PIK3C3: variants seen among roughly 807,000 people sequenced by gnomAD.
PIK3C3 encodes PI3-kinase type 3.
A neutral mutation model predicts 126.1 loss-of-function variants in PIK3C3; 95 were observed. The ratio of observed to expected loss-of-function variants is 0.75; its 90% CI spans 0.64 to 0.89. PIK3C3 has a LOEUF of 0.89. Among genes scored for constraint, PIK3C3 ranks in the 40% least tolerant of loss-of-function variants. PIK3C3 has a pLI of 0.00. For synonymous variants in PIK3C3, 374 were observed against 360.0 expected (o/e 1.04, Z -0.44); for missense variants, 829 against 1,063.2 (o/e 0.78, Z 3.06).
chr18:41,998,676 A>G (rs1982141449), intron 9 of PIK3C3, among the ~76,000 whole-genome samples: 1 of 152,180 alleles, frequency 6.6e-6, no homozygotes, highest in African/African-American at 2.4e-5. Context: ...TTCAATTCTC[A>G]GGATATGTTA....
At position 42,081,990 on chromosome 18, in the gene PIK3C3, A is replaced by G. The variant is rs1173146953; in HGVS notation, c.*853A>G. ...GTTATAAAGGAGTTGAGGAACAAAAAGCTCTTTGAAATAGCTCACCTAGAC... is the reference window on the plus strand; with the variant it reads ...GTTATAAAGGAGTTGAGGAACAAAAGGCTCTTTGAAATAGCTCACCTAGAC... On this transcript the variant is annotated 3_prime_UTR_variant, in exon 25 of 25. Transcript: ENST00000262039. The G allele has an allele frequency of 6.8e-6, 1 of 147,342 alleles. No homozygotes were observed. Among genetic ancestry groups the G allele is most frequent in the African/African-American group, 2.5e-5 (1 of 40,780 alleles). The allele number at this position is 147,342 out of a possible 1,614,324, so 9.1% of individuals were successfully genotyped here.
intron 19 of PIK3C3, 126 bp downstream of exon 19, chr18:42,040,867 C>A: frequency 4.6e-6 from 3 of 647,330 alleles, no homozygotes; most frequent in Non-Finnish European, 8.0e-6. Flanking sequence ...AGTTTTTTTT[C>A]TTCCTTTATT....
intron 9 of PIK3C3, among the ~76,000 whole-genome samples, chr18:42,003,261 A>C (rs749057715): frequency 6.6e-6 from 1 of 152,208 alleles, no homozygotes; most frequent in Non-Finnish European, 1.5e-5. Context: ...TTTACTAATA[A>C]AAAGATTTTG....
chr18:42,017,495 C>T (rs1022068354), intron 12 of PIK3C3, among the ~76,000 whole-genome samples: 13 of 152,078 alleles, frequency 8.5e-5, no homozygotes, highest in Non-Finnish European at 1.6e-4. Flanking sequence ...AATCTGTACT[C>T]TGTCCTAACA....
At chr18:42,061,524 G>C (rs965993143) in intron 22 of PIK3C3, among the ~76,000 whole-genome samples, 1 of 152,150 alleles carries the variant, frequency 6.6e-6, no homozygotes, top group Non-Finnish European at 1.5e-5. Flanking sequence ...GGAGGTTGCA[G>C]TGACCCGAGA....
intron 10 of PIK3C3, among the ~76,000 whole-genome samples, chr18:42,010,336 G>T (rs774897699): frequency 2.6e-5 from 4 of 151,950 alleles, no homozygotes; most frequent in Admixed American, 2.6e-4. Flanking sequence ...TGCTATTTCC[G>T]TGACTTCTGC....
At chr18:42,039,519 G>A (rs1984207580) in intron 18 of PIK3C3, among the ~76,000 whole-genome samples, 1 of 152,146 alleles carries the variant, frequency 6.6e-6, no homozygotes, top group African/African-American at 2.4e-5. Context: ...TATCTTTCAA[G>A]CCTCTTCTTT....
At chr18:41,999,769 A>G (rs763020671) in intron 9 of PIK3C3, among the ~76,000 whole-genome samples, 1 of 152,208 alleles carries the variant, frequency 6.6e-6, no homozygotes, top group Non-Finnish European at 1.5e-5. Flanking sequence ...TGACCAGATC[A>G]GTGTGCTGTG....
chr18:42,067,581 C>A, intron 24 of PIK3C3, 68 bp downstream of exon 24: 3 of 1,503,622 alleles, frequency 2.0e-6, no homozygotes, highest in Non-Finnish European at 2.7e-6. Context: ...CCTTGGAGAG[C>A]CATGCATTTC....
intron 9 of PIK3C3, 110 bp from the exon 10 acceptor site, chr18:42,004,246 A>G (rs924001726): frequency 1.4e-6 from 1 of 739,318 alleles, no homozygotes; most frequent in Non-Finnish European, 2.3e-6. Flanking sequence ...CAAGGAGTCT[A>G]TCACTGACTC....
chr18:42,031,425 CT>C (rs1395593136), intron 15 of PIK3C3, among the ~76,000 whole-genome samples: 2 of 151,440 alleles, frequency 1.3e-5, no homozygotes, highest in South Asian at 2.1e-4. Flanking sequence ...TTTTCATCTA[CT>C]TTTTTTTTGA....
chr18:41,985,101 T>A (rs1021109169), intron 4 of PIK3C3: 3 of 152,130 alleles, frequency 2.0e-5, no homozygotes, highest in African/African-American at 7.2e-5. Context: ...ACCAAGGTGT[T>A]AGAAATGTGA....
chr18:42,058,087 A>C, intron 22 of PIK3C3, 36 bp downstream of exon 22: 2 of 1,504,418 alleles, frequency 1.3e-6, no homozygotes, highest in Non-Finnish European at 8.9e-7. Context: ...AATTTGGGTA[A>C]ATTTATTTTA....
intron 17 of PIK3C3, among the ~76,000 whole-genome samples, chr18:42,038,311 TAATC>T (rs910212274): frequency 5.3e-5 from 8 of 152,248 alleles, no homozygotes; most frequent in Admixed American, 1.3e-4. Context: ...TCTAAGTCCT[TAATC>T]AATTTAATTT....
Position 42,037,768 on chromosome 18 carries a change from A to G in PIK3C3, c.1916A>G (p.Asp639Gly). Reference sequence around the variant, plus strand: ...TATCCAGTTATATTTAAGCATGGAGATGATTTACGTCAAGATCAACTTATT... The same window carrying G: ...TATCCAGTTATATTTAAGCATGGAGGTGATTTACGTCAAGATCAACTTATT... ...GKYPVIFKHG[D>G]DLRQDQLILQ... The change falls in exon 17 of 25, where the codon GAT (aspartate) becomes GGT (glycine). Residue 639 changes from aspartate to glycine, a missense_variant. By Grantham distance (94) the Asp-to-Gly change is moderately conservative. This residue lies in a region of PIK3C3 where 196 missense variants were observed against 312.8 expected (regional missense o/e 0.63). Coordinates refer to ENST00000262039, the MANE Select transcript of PIK3C3 (RefSeq NM_002647.4). The G allele has an allele frequency of 6.2e-7, 1 of 1,612,660 alleles. No individual in the cohort carries two copies. The highest frequency in any genetic ancestry group is 8.5e-7 in the Non-Finnish European group (1 of 1,178,900).
chr18:42,077,851 T>C (rs1177222546), intron 24 of PIK3C3, among the ~76,000 whole-genome samples: 2 of 152,242 alleles, frequency 1.3e-5, no homozygotes, highest in Non-Finnish European at 1.5e-5. Context: ...GAGGAATTAC[T>C]ATCTGTGGCA....
At chr18:42,057,802 T>G in intron 21 of PIK3C3, 81 bp from the exon 22 acceptor site, 1 of 1,215,264 alleles carries the variant, frequency 8.2e-7, no homozygotes, top group South Asian at 1.3e-5. Flanking sequence ...GAGACACTGT[T>G]TATATCAATT....
rs1162307535 is a variant in PIK3C3, at chr18:42,086,893, G to A, written c.*5756G>A. 6.6e-6 allele frequency: 1 copy of A among 152,028 alleles called. No individual in the cohort carries two copies. Among genetic ancestry groups the A allele is most frequent in the Non-Finnish European group, 1.5e-5 (1 of 68,014 alleles). The allele number at this position is 152,028 out of a possible 1,614,324, so 9.4% of individuals were successfully genotyped here. ...CTTTATTAACCTGCTTTCACTTTAT[G>A]GACTCCCCTGAATTCTTCTGCAGGA... On this transcript the variant is annotated 3_prime_UTR_variant, in exon 25 of 25. Transcript: ENST00000262039.
chr18:42,059,218 C>A (rs899138929), intron 22 of PIK3C3, among the ~76,000 whole-genome samples: 2 of 152,120 alleles, frequency 1.3e-5, no homozygotes, highest in Non-Finnish European at 2.9e-5. Flanking sequence ...TCAGTCTTTT[C>A]CATGTATCAC....
Sources: gnomAD v4.1 joint callset for allele counts (sites outside exome capture counted in the v4.1 genomes callset) on GRCh38, gnomAD v4.1.1 for gene constraint, gnomAD v4.1.1 regional missense constraint, MANE v1.5 for transcripts, NCBI Gene and HGNC (gene_info 2026-07-23, HGNC 2026-07-21) for gene names.